NCALD: variants seen among roughly 807,000 people sequenced by gnomAD.
The protein encoded by NCALD is neurocalcin-delta.
A neutral mutation model predicts 18.6 loss-of-function variants in NCALD; 10 were observed. That is an observed-to-expected ratio of 0.54 (90% CI 0.33 to 0.91). The LOEUF (loss-of-function observed/expected upper bound fraction) is 0.91. Among genes scored for constraint, NCALD ranks in the 40% least tolerant of loss-of-function variants. The probability of loss-of-function intolerance (pLI) is 0.03; values close to 1 mark genes in which losing one functional copy is unlikely to be tolerated. For synonymous variants in NCALD, 88 were observed against 87.4 expected, an observed-to-expected ratio of 1.01 and a Z score of -0.04; for missense variants, 184 against 247.6, an observed-to-expected ratio of 0.74 and a Z score of 1.72.
At chr8:101,812,859 C>T (rs1249753800) in intron 4 of NCALD, among the ~76,000 whole-genome samples, 3 of 152,082 alleles carry the variant, frequency 2.0e-5, no homozygotes, top group Non-Finnish European at 4.4e-5. Flanking sequence ...TTTCCTAAGC[C>T]AGTTTGAGTG....
intron 1 of NCALD, among the ~76,000 whole-genome samples, chr8:102,071,686 T>C (rs1209707678): frequency 6.6e-6 from 1 of 152,002 alleles, no homozygotes; most frequent in Non-Finnish European, 1.5e-5. Flanking sequence ...AAACAAATTG[T>C]ATTTCTATAT....
At chr8:101,999,387 G>C (rs1169554837) in intron 2 of NCALD, among the ~76,000 whole-genome samples, 2 of 152,180 alleles carry the variant, frequency 1.3e-5, no homozygotes, top group Non-Finnish European at 2.9e-5. Context: ...GATGGAATTG[G>C]AGACCATTAT....
At chr8:101,956,110 ATAATT>A (rs1207085041) in intron 2 of NCALD, among the ~76,000 whole-genome samples, 1 of 152,204 alleles carries the variant, frequency 6.6e-6, no homozygotes, top group Admixed American at 6.5e-5. Flanking sequence ...GTTTGAAATT[ATAATT>A]TAAAGTAACC....
chr8:101,739,179 C>A (rs924603831), intron 1 of NCALD, among the ~76,000 whole-genome samples: 10 of 151,944 alleles, frequency 6.6e-5, no homozygotes, highest in African/African-American at 2.2e-4. Context: ...GTCCCTGTGG[C>A]TCCAATTCTC....
At chr8:101,920,845 A>T (rs983305598) in intron 2 of NCALD, among the ~76,000 whole-genome samples, 1 of 152,226 alleles carries the variant, frequency 6.6e-6, no homozygotes, top group Admixed American at 6.5e-5. Flanking sequence ...ATACCAGGTA[A>T]CAGACCTGCA....
At chr8:101,897,174 T>A (rs1470558749) in intron 3 of NCALD, among the ~76,000 whole-genome samples, 1 of 116,230 alleles carries the variant, frequency 8.6e-6, no homozygotes, top group Non-Finnish European at 1.7e-5. Context: ...CACCATGGAA[T>A]ACTATGCAGC....
At chr8:101,801,948 G>A (rs1812884334) in intron 4 of NCALD, among the ~76,000 whole-genome samples, 1 of 151,988 alleles carries the variant, frequency 6.6e-6, no homozygotes, top group African/African-American at 2.4e-5. Flanking sequence ...TTACAGGCGT[G>A]AACCACCGCG....
chr8:102,095,240 G>A (rs909778411), intron 1 of NCALD, among the ~76,000 whole-genome samples: 8 of 152,180 alleles, frequency 5.3e-5, no homozygotes, highest in African/African-American at 1.7e-4. Flanking sequence ...AGAAGGGTGC[G>A]AGAGATAGAG....
intron 1 of NCALD, among the ~76,000 whole-genome samples, chr8:102,109,761 T>C (rs9649919): frequency 0.06 from 9,173 of 152,216 alleles, 306 homozygotes; most frequent in South Asian, 0.093. Flanking sequence ...ATCTTTGAAA[T>C]GAAGTGTATT....
chr8:102,086,459 T>C (rs952362547), intron 1 of NCALD, among the ~76,000 whole-genome samples: 5 of 152,152 alleles, frequency 3.3e-5, no homozygotes, highest in Non-Finnish European at 7.4e-5. Context: ...TATACCATCA[T>C]TATCTCCCAA....
chr8:102,108,351 G>A (rs1295822335), intron 1 of NCALD, among the ~76,000 whole-genome samples: 4 of 152,220 alleles, frequency 2.6e-5, no homozygotes, highest in Admixed American at 6.5e-5. Flanking sequence ...AGGAAGAGAA[G>A]TTGGGGCTGA....
chr8:102,005,410 G>C (rs375152210), intron 2 of NCALD, among the ~76,000 whole-genome samples: 53 of 152,224 alleles, frequency 3.5e-4, no homozygotes, highest in African/African-American at 4.6e-4. Flanking sequence ...GAAATAGGAA[G>C]ACTTTTACAC....
At chr8:101,756,871 C>A (rs1055026801) in intron 1 of NCALD, among the ~76,000 whole-genome samples, 1 of 152,162 alleles carries the variant, frequency 6.6e-6, no homozygotes, top group African/African-American at 2.4e-5. Context: ...AATTGACTGA[C>A]TTTTTCACCT....
chr8:101,874,249 G>T (rs1013660034), intron 4 of NCALD, among the ~76,000 whole-genome samples: 1 of 152,178 alleles, frequency 6.6e-6, no homozygotes, highest in Non-Finnish European at 1.5e-5. Flanking sequence ...GCTGATAGCT[G>T]TATCTAGACA....
At position 101,872,479 on chromosome 8, in the gene NCALD, T is replaced by C. The variant is rs150259571; in HGVS notation, c.-20+14662A>G. On this transcript the variant is annotated intron_variant, in intron 4 of 6. Transcript: ENST00000311028. Reference sequence around the variant, plus strand: ...CTTCTCTTCTGATTCTTTTATACTTTCCTTGGTGGGTAAGATGCCCTTCTT... The same window carrying C: ...CTTCTCTTCTGATTCTTTTATACTTCCCTTGGTGGGTAAGATGCCCTTCTT... The C allele has an allele frequency of 2.4e-4, 205 of 847,940 alleles. No individual in the cohort carries two copies. The African/African-American group carries it at 3.2e-3, about 13-fold the overall frequency. The allele number at this position is 847,940 out of a possible 1,614,324, so 52.5% of individuals were successfully genotyped here.
At chr8:101,888,541 C>T (rs887910006) in intron 3 of NCALD, among the ~76,000 whole-genome samples, 1 of 151,958 alleles carries the variant, frequency 6.6e-6, no homozygotes, top group Admixed American at 6.6e-5. Context: ...CCTCAGCCTC[C>T]AGAACAGCTG....
At chr8:101,754,396 C>T (rs894824575) in intron 1 of NCALD, among the ~76,000 whole-genome samples, 1 of 152,100 alleles carries the variant, frequency 6.6e-6, no homozygotes, top group Non-Finnish European at 1.5e-5. Flanking sequence ...TTACAAACAG[C>T]AGAAATTTAT....
At chr8:101,713,247 T>G (rs1815895964) in intron 2 of NCALD, among the ~76,000 whole-genome samples, 2 of 152,166 alleles carry the variant, frequency 1.3e-5, no homozygotes, top group South Asian at 4.1e-4. Flanking sequence ...AGACACAATA[T>G]ATCAGAATCT....
intron 2 of NCALD, among the ~76,000 whole-genome samples, chr8:101,970,189 C>A (rs1820187938): frequency 6.6e-6 from 1 of 152,176 alleles, no homozygotes; most frequent in East Asian, 1.9e-4. Context: ...TCAGTTTCTA[C>A]TCTCCAGATT....
Sources: allele counts gnomAD v4.1 joint callset (sites outside exome capture counted in the v4.1 genomes callset), GRCh38; gene constraint gnomAD v4.1.1; transcripts MANE v1.5; gene names NCBI Gene and HGNC (gene_info 2026-07-23, HGNC 2026-07-21).